The following EPB41L5 variants were observed in gnomAD, a reference collection of about 807,000 sequenced individuals.
EPB41L5 encodes the protein erythrocyte membrane protein band 4.1 like 5.
A neutral mutation model predicts 106.6 loss-of-function variants in EPB41L5; 55 were observed. The ratio of observed to expected loss-of-function variants is 0.52; its 90% confidence interval spans 0.42 to 0.65. The LOEUF (loss-of-function observed/expected upper bound fraction) is 0.65. Ranked by LOEUF, EPB41L5 falls within the 30% of genes least tolerant of loss-of-function variation. The pLI is 0.00. For synonymous variants in EPB41L5, 297 were observed against 306.7 expected (o/e 0.97, Z 0.33); for missense variants, 871 against 882.1 (o/e 0.99, Z 0.16).
chr2:120,166,786 C>T (rs1558917825), intron 22 of EPB41L5, among the ~76,000 whole-genome samples: 2 of 152,190 alleles, frequency 1.3e-5, no homozygotes, highest in South Asian at 4.1e-4. Context: ...CCTGGACTTA[C>T]ATTAGTTTTT....
intron 3 of EPB41L5, among the ~76,000 whole-genome samples, chr2:120,055,464 T>C (rs1680582343): frequency 6.6e-6 from 1 of 151,094 alleles, no homozygotes; most frequent in African/African-American, 2.4e-5. Flanking sequence ...AATGTCTTTC[T>C]CTGTATTAGG....
chr2:120,077,246 A>G lies in EPB41L5; in HGVS notation c.644A>G (p.Gln215Arg). The G allele has an allele frequency of 1.2e-6, 2 of 1,610,594 alleles. No individual in the cohort carries two copies. The highest frequency in any genetic ancestry group is 2.7e-5 in the African/African-American group (2 of 75,022). The change falls in exon 9 of 25, where the codon CAG (glutamine) becomes CGG (arginine). Residue 215 changes from glutamine to arginine, a missense_variant. By Grantham distance (43) the Gln-to-Arg change is conservative. Transcript: ENST00000263713. ...WKEYRGQTPA[Q>R]AETNYLNKAK... ...AATTTCAGAGGTCAAACACCAGCAC[A>G]GGCTGAAACCAATTATCTGAATAAA...
chr2:120,162,989 C>T (rs929513955), intron 21 of EPB41L5, among the ~76,000 whole-genome samples: 4 of 152,120 alleles, frequency 2.6e-5, no homozygotes, highest in Non-Finnish European at 5.9e-5. Flanking sequence ...AGTGTGGTGG[C>T]TCATGCCTAT....
At chr2:120,147,848 C>G (rs1686478430) in intron 20 of EPB41L5, among the ~76,000 whole-genome samples, 1 of 152,046 alleles carries the variant, frequency 6.6e-6, no homozygotes. Context: ...TTTCTAAATG[C>G]CTGTTCATAT....
In EPB41L5 at chr2:120,167,981, G is replaced by T. The variant is rs146525565; in HGVS notation, c.2109G>T (p.Ala703=). Residue 703 remains alanine, a synonymous_variant, in exon 24 of 25, where the codon GCG becomes GCT. Coordinates refer to ENST00000263713, the MANE Select transcript of EPB41L5 (RefSeq NM_020909.4). ...KDGISLISPP[A]PFLVDAVTSS... is the part of the protein sequence containing the mutation. ...GAATCTCACTGATCTCTCCCCCAGC[G>T]CCATTCTTGGTAGATGCTGTGACCA... 6.2e-7 allele frequency: 1 copy of T among 1,613,948 alleles called. No individual in the cohort carries two copies. Among genetic ancestry groups the T allele is most frequent in the African/African-American group, 1.3e-5 (1 of 74,884 alleles).
At chr2:120,085,856 C>G (rs1421131573) in intron 10 of EPB41L5, among the ~76,000 whole-genome samples, 2 of 152,078 alleles carry the variant, frequency 1.3e-5, no homozygotes, top group Non-Finnish European at 2.9e-5. Flanking sequence ...AAAGAAAGCT[C>G]CTTTTCTGCC....
chr2:120,121,363 C>T (rs1685208769), intron 16 of EPB41L5, among the ~76,000 whole-genome samples: 2 of 152,052 alleles, frequency 1.3e-5, no homozygotes, highest in Non-Finnish European at 2.9e-5. Context: ...ACTCCCCCTC[C>T]CGACAGGCCC....
chr2:120,018,944 C>G, intron 1 of EPB41L5, 133 bp from the exon 2 acceptor site: 1 of 762,050 alleles, frequency 1.3e-6, no homozygotes, highest in East Asian at 2.7e-5. Context: ...CTGCACCCAG[C>G]CCAGGTGTCC....
At chr2:120,055,998 A>G (rs1054122232) in intron 3 of EPB41L5, among the ~76,000 whole-genome samples, 1 of 152,092 alleles carries the variant, frequency 6.6e-6, no homozygotes, top group Non-Finnish European at 1.5e-5. Flanking sequence ...GTGGGAGTGG[A>G]CACCCTTGAC....
intron 2 of EPB41L5, among the ~76,000 whole-genome samples, chr2:120,032,546 G>A (rs936431032): frequency 1.3e-5 from 2 of 152,128 alleles, no homozygotes; most frequent in Non-Finnish European, 2.9e-5. Flanking sequence ...TTTCTGTGTG[G>A]CAGTTTTAGG....
At chr2:120,034,276 T>C (rs1401297653) in intron 2 of EPB41L5, among the ~76,000 whole-genome samples, 7 of 152,200 alleles carry the variant, frequency 4.6e-5, no homozygotes, top group African/African-American at 1.7e-4. Context: ...AGAACACAAC[T>C]GTTGTATTTC....
chr2:120,095,458 T>C (rs576111353), intron 14 of EPB41L5, among the ~76,000 whole-genome samples: 2 of 152,156 alleles, frequency 1.3e-5, no homozygotes, highest in South Asian at 4.1e-4. Flanking sequence ...TTACACTTGA[T>C]GGTGTCCTAC....
intron 10 of EPB41L5, among the ~76,000 whole-genome samples, chr2:120,086,302 A>G (rs1360084786): frequency 6.6e-6 from 1 of 152,186 alleles, no homozygotes; most frequent in African/African-American, 2.4e-5. Context: ...AGATTAGTCA[A>G]TCGGAGTGTC....
At chr2:120,075,867 T>G in intron 7 of EPB41L5, 114 bp downstream of exon 7, 1 of 846,660 alleles carries the variant, frequency 1.2e-6, no homozygotes, top group Non-Finnish European at 1.9e-6. Flanking sequence ...TGTTTTTGTA[T>G]AAACTTGTAT....
At chr2:120,139,068 A>T (rs1044301856) in intron 18 of EPB41L5, among the ~76,000 whole-genome samples, 1 of 152,106 alleles carries the variant, frequency 6.6e-6, no homozygotes, top group African/African-American at 2.4e-5. Flanking sequence ...GGTGCCAAGA[A>T]CATACACTGG....
At chr2:120,125,170 A>T (rs2105457377) in intron 16 of EPB41L5, among the ~76,000 whole-genome samples, 1 of 152,336 alleles carries the variant, frequency 6.6e-6, no homozygotes, top group Non-Finnish European at 1.5e-5. Context: ...TCCCACCATC[A>T]AAAGAAATAA....
At chr2:120,064,042 A>C (rs12620471) in intron 3 of EPB41L5, among the ~76,000 whole-genome samples, 96,458 of 152,012 alleles carry the variant, frequency 0.63, 32,025 homozygotes, top group Middle Eastern at 0.74. Context: ...ACAAGTCTTC[A>C]TTTGGAATGT....
chr2:120,023,070 T>C (rs1372923192), intron 2 of EPB41L5, among the ~76,000 whole-genome samples: 1 of 152,226 alleles, frequency 6.6e-6, no homozygotes, highest in African/African-American at 2.4e-5. Context: ...CCTTGTAGAT[T>C]CTGGATATTA....
chr2:120,027,855 A>G (rs888047272), intron 2 of EPB41L5, among the ~76,000 whole-genome samples: 2 of 152,008 alleles, frequency 1.3e-5, no homozygotes, highest in South Asian at 2.1e-4. Flanking sequence ...CTATTTTTTT[A>G]AATTTCTTTA....
Sources: gnomAD v4.1 joint callset for allele counts (sites outside exome capture counted in the v4.1 genomes callset) on GRCh38, gnomAD v4.1.1 for gene constraint, MANE v1.5 for transcripts, NCBI Gene and HGNC (gene_info 2026-07-23, HGNC 2026-07-21) for gene names.